GPC5: variants seen among roughly 807,000 people sequenced by gnomAD.
GPC5 encodes the protein glypican-5.
In GPC5, 47 loss-of-function variants were observed where a neutral mutation model predicts 53.9. That is an observed-to-expected ratio of 0.87 (90% CI 0.69 to 1.11). The LOEUF (loss-of-function observed/expected upper bound fraction) is 1.11, where lower values mean the gene tolerates loss of function less well. Among genes scored for constraint, GPC5 ranks in the 50% most tolerant of loss-of-function variants. The pLI is 0.00. For synonymous variants in GPC5, 286 were observed against 263.3 expected, an observed-to-expected ratio of 1.09 and a Z score of -0.84; for missense variants, 748 against 713.1, an observed-to-expected ratio of 1.05 and a Z score of -0.56.
intron 7 of GPC5, among the ~76,000 whole-genome samples, chr13:92,615,608 T>G (rs1884655818): frequency 6.6e-6 from 1 of 152,174 alleles, no homozygotes; most frequent in Non-Finnish European, 1.5e-5. Flanking sequence ...TACCAAATTG[T>G]GTTCTTTAGA....
chr13:92,209,541 A>T (rs117813679), intron 7 of GPC5, among the ~76,000 whole-genome samples: 1 of 152,180 alleles, frequency 6.6e-6, no homozygotes, highest in Non-Finnish European at 1.5e-5. Flanking sequence ...ACTAACATCC[A>T]CAGAAGGCCT....
At chr13:91,920,926 CTTTTTTTTT>C (rs869309251) in intron 6 of GPC5, among the ~76,000 whole-genome samples, 108 of 32,140 alleles carry the variant, frequency 3.4e-3, no homozygotes, top group African/African-American at 0.012. Context: ...CTCTCTCTCT[CTTTTTTTTT>C]TTTTTTTTTT....
At chr13:92,780,751 G>C (rs1355063651) in intron 7 of GPC5, among the ~76,000 whole-genome samples, 1 of 151,868 alleles carries the variant, frequency 6.6e-6, no homozygotes, top group African/African-American at 2.4e-5. Context: ...TATGATAGTA[G>C]GCATAAAATG....
intron 3 of GPC5, among the ~76,000 whole-genome samples, chr13:91,709,233 C>G (rs573160942): frequency 2.2e-4 from 33 of 152,328 alleles, no homozygotes; most frequent in Admixed American, 1.7e-3. Flanking sequence ...ACTCTCTACA[C>G]AGAAGTCAGA....
chr13:92,755,984 G>A (rs1259145829), intron 7 of GPC5, among the ~76,000 whole-genome samples: 1 of 151,672 alleles, frequency 6.6e-6, no homozygotes, highest in Non-Finnish European at 1.5e-5. Flanking sequence ...ATTTTATGAG[G>A]CCAGCATCAT....
intron 7 of GPC5, among the ~76,000 whole-genome samples, chr13:92,451,812 G>T (rs753846807): frequency 1.3e-5 from 2 of 152,106 alleles, no homozygotes; most frequent in Non-Finnish European, 2.9e-5. Flanking sequence ...CAGAAGAAAC[G>T]AAATGTACAT....
intron 7 of GPC5, among the ~76,000 whole-genome samples, chr13:92,836,884 A>T (rs1878239176): frequency 6.6e-6 from 1 of 152,104 alleles, no homozygotes; most frequent in Non-Finnish European, 1.5e-5. Context: ...AACATCTAGC[A>T]AGTAAATAAT....
intron 6 of GPC5, among the ~76,000 whole-genome samples, chr13:92,121,392 C>T (rs1398136444): frequency 1.3e-5 from 2 of 152,184 alleles, no homozygotes; most frequent in African/African-American, 4.8e-5. Flanking sequence ...CAAACAATTG[C>T]TGAATTAATC....
intron 7 of GPC5, among the ~76,000 whole-genome samples, chr13:92,617,676 A>G (rs1884738728): frequency 6.6e-6 from 1 of 152,150 alleles, no homozygotes; most frequent in Non-Finnish European, 1.5e-5. Flanking sequence ...CATTAATATT[A>G]ATGATAATGC....
chr13:92,800,861 A>C (rs1876876134), intron 7 of GPC5, among the ~76,000 whole-genome samples: 1 of 151,784 alleles, frequency 6.6e-6, no homozygotes, highest in African/African-American at 2.4e-5. Flanking sequence ...CAACCCTAAA[A>C]TAATATCGTT....
At chr13:91,731,361 C>T (rs1029318905) in intron 4 of GPC5, among the ~76,000 whole-genome samples, 3 of 152,144 alleles carry the variant, frequency 2.0e-5, no homozygotes, top group South Asian at 4.1e-4. Context: ...GAATCATCAC[C>T]ACTGTGTTTT....
At chr13:91,959,429 G>A (rs2040106382) in intron 6 of GPC5, among the ~76,000 whole-genome samples, 1 of 151,884 alleles carries the variant, frequency 6.6e-6, no homozygotes, top group Non-Finnish European at 1.5e-5. Context: ...AAAAGTCCAG[G>A]ACTGAATGAC....
chr13:92,057,967 G>T (rs2138848389), intron 6 of GPC5, among the ~76,000 whole-genome samples: 1 of 152,174 alleles, frequency 6.6e-6, no homozygotes, highest in South Asian at 2.1e-4. Context: ...GTTAGTTCTG[G>T]ACGGAGGCCT....
chr13:91,424,206 G>T (rs1878842881), intron 1 of GPC5, among the ~76,000 whole-genome samples: 1 of 152,076 alleles, frequency 6.6e-6, no homozygotes, highest in East Asian at 1.9e-4. Context: ...ATCCAGAGCA[G>T]GTTTCTGAGG....
intron 7 of GPC5, among the ~76,000 whole-genome samples, chr13:92,256,414 G>A (rs2042726827): frequency 6.6e-6 from 1 of 151,860 alleles, no homozygotes; most frequent in Non-Finnish European, 1.5e-5. Context: ...TTCCTCAAAG[G>A]AATTTGTGTT....
chr13:92,388,121 G>A (rs1008521874), intron 7 of GPC5, among the ~76,000 whole-genome samples: 2 of 151,854 alleles, frequency 1.3e-5, no homozygotes, highest in Non-Finnish European at 2.9e-5. Context: ...TATAGCTTTA[G>A]TATTGTTTTA....
At chr13:92,717,102 C>A (rs1373556728) in intron 7 of GPC5, among the ~76,000 whole-genome samples, 1 of 151,806 alleles carries the variant, frequency 6.6e-6, no homozygotes. Context: ...CTTCTCAAAC[C>A]GTATTCTTCT....
chr13:92,123,434 AAAG>A (rs2041667641), intron 6 of GPC5, among the ~76,000 whole-genome samples: 1 of 152,170 alleles, frequency 6.6e-6, no homozygotes, highest in South Asian at 2.1e-4. Context: ...TGATAATAAA[AAAG>A]AAAAGGCAGG....
chr13:92,146,182 A>T (rs1303900286), intron 7 of GPC5, among the ~76,000 whole-genome samples: 4 of 152,154 alleles, frequency 2.6e-5, no homozygotes, highest in Non-Finnish European at 5.9e-5. Context: ...TGCTAGTTAA[A>T]TATATTCTAT....
Sources: allele counts gnomAD v4.1 joint callset (sites outside exome capture counted in the v4.1 genomes callset), GRCh38; gene constraint gnomAD v4.1.1; transcripts MANE v1.5; gene names NCBI Gene and HGNC (gene_info 2026-07-23, HGNC 2026-07-21).